Variants in LRRC4C observed in about 807,000 individuals in gnomAD.
LRRC4C encodes leucine rich repeat containing 4C.
A neutral mutation model predicts 33.6 loss-of-function variants in LRRC4C; 5 were observed. The ratio of observed to expected loss-of-function variants is 0.15; its 90% CI spans 0.08 to 0.31. The LOEUF is 0.31. Among genes scored for constraint, LRRC4C ranks in the 10% least tolerant of loss-of-function variants. The pLI is 1.00. For synonymous variants in LRRC4C, 329 were observed against 302.0 expected (o/e 1.09, Z -0.93); for missense variants, 560 against 796.7 (o/e 0.70, Z 3.58).
chr11:41,202,487 G>A (rs1946438022), intron 1 of LRRC4C, among the ~76,000 whole-genome samples: 1 of 151,996 alleles, frequency 6.6e-6, no homozygotes, highest in Admixed American at 6.5e-5. Flanking sequence ...ATCAGACCTA[G>A]CACTAAATCA....
intron 1 of LRRC4C, among the ~76,000 whole-genome samples, chr11:41,101,042 A>G (rs1431876867): frequency 6.6e-6 from 1 of 152,200 alleles, no homozygotes; most frequent in Non-Finnish European, 1.5e-5. Context: ...ACCTAAAACC[A>G]TAAAAACCCT....
At chr11:40,296,220 C>T (rs759048559) in intron 4 of LRRC4C, among the ~76,000 whole-genome samples, 6 of 152,194 alleles carry the variant, frequency 3.9e-5, no homozygotes, top group Non-Finnish European at 8.8e-5. Context: ...TCAGCAGCTA[C>T]AGTATCTTTA....
intron 2 of LRRC4C, among the ~76,000 whole-genome samples, chr11:40,702,267 A>G (rs1310249191): frequency 6.6e-6 from 1 of 152,154 alleles, no homozygotes; most frequent in Non-Finnish European, 1.5e-5. Context: ...ATCCAACACC[A>G]TAGCAACAGG....
intron 1 of LRRC4C, among the ~76,000 whole-genome samples, chr11:41,292,271 A>G (rs994311480): frequency 6.6e-6 from 1 of 152,168 alleles, no homozygotes; most frequent in Non-Finnish European, 1.5e-5. Flanking sequence ...TGGTTCTACC[A>G]GTCCTCTTTT....
intron 1 of LRRC4C, among the ~76,000 whole-genome samples, chr11:40,949,943 C>T (rs1285430198): frequency 6.6e-6 from 1 of 152,090 alleles, no homozygotes; most frequent in African/African-American, 2.4e-5. Context: ...AGAGTCAAGA[C>T]CCATCAGTGT....
At chr11:40,633,325 T>TTTCTTTCTTTCTTTC (rs1963631733) in intron 3 of LRRC4C, among the ~76,000 whole-genome samples, 1 of 112,246 alleles carries the variant, frequency 8.9e-6, no homozygotes, top group African/African-American at 3.0e-5. Flanking sequence ...CAAGTTTTCT[T>TTTCTTTCTTTCTTTC]TTTCTTTCTT....
intron 1 of LRRC4C, among the ~76,000 whole-genome samples, chr11:41,427,411 CA>C (rs1480771066): frequency 6.6e-6 from 1 of 152,014 alleles, no homozygotes; most frequent in East Asian, 1.9e-4. Context: ...AATAAAAAGT[CA>C]ATAAATAAAC....
At chr11:40,965,348 G>T (rs1192079728) in intron 1 of LRRC4C, among the ~76,000 whole-genome samples, 1 of 152,052 alleles carries the variant, frequency 6.6e-6, no homozygotes, top group Non-Finnish European at 1.5e-5. Flanking sequence ...GGTTTCTTTT[G>T]CTGTGCAGAA....
At chr11:40,948,499 C>T (rs898456202) in intron 1 of LRRC4C, among the ~76,000 whole-genome samples, 1 of 140,954 alleles carries the variant, frequency 7.1e-6, no homozygotes, top group African/African-American at 2.6e-5. Flanking sequence ...GTATATCTCC[C>T]AATGCTATCC....
intron 2 of LRRC4C, among the ~76,000 whole-genome samples, chr11:40,822,453 T>C (rs1951975375): frequency 6.6e-6 from 1 of 151,798 alleles, no homozygotes. Flanking sequence ...TTGGCTATTG[T>C]GAATGATGCT....
At chr11:41,099,086 A>C (rs187488511) in intron 1 of LRRC4C, among the ~76,000 whole-genome samples, 1 of 152,196 alleles carries the variant, frequency 6.6e-6, no homozygotes, top group African/African-American at 2.4e-5. Flanking sequence ...AAAACCTAGA[A>C]GAGATGGATG....
intron 1 of LRRC4C, among the ~76,000 whole-genome samples, chr11:41,302,527 G>C (rs1336412285): frequency 6.6e-6 from 1 of 152,094 alleles, no homozygotes; most frequent in Non-Finnish European, 1.5e-5. Flanking sequence ...CTTTGTTTTC[G>C]AGTTTGATGC....
At chr11:41,052,130 C>T (rs1181290240) in intron 1 of LRRC4C, among the ~76,000 whole-genome samples, 1 of 152,042 alleles carries the variant, frequency 6.6e-6, no homozygotes, top group Non-Finnish European at 1.5e-5. Context: ...AGCCTTTTTC[C>T]CTTGCATCCA....
chr11:40,635,175 C>A (rs1963843019), intron 3 of LRRC4C, among the ~76,000 whole-genome samples: 1 of 152,160 alleles, frequency 6.6e-6, no homozygotes, highest in South Asian at 2.1e-4. Flanking sequence ...TATTTACCAG[C>A]CCTTTCTTAT....
At chr11:41,207,492 A>G (rs1946648445) in intron 1 of LRRC4C, among the ~76,000 whole-genome samples, 1 of 152,192 alleles carries the variant, frequency 6.6e-6, no homozygotes, top group African/African-American at 2.4e-5. Context: ...TTAAGGCTAA[A>G]TGAAGTCAAA....
At chr11:41,127,875 T>A (rs10742578) in intron 1 of LRRC4C, among the ~76,000 whole-genome samples, 39,524 of 151,938 alleles carry the variant, frequency 0.26, 5,522 homozygotes, top group East Asian at 0.47. Flanking sequence ...TAATCCTTTA[T>A]CTTTAACCTA....
chr11:40,416,819 T>C (rs1950340045), intron 3 of LRRC4C, among the ~76,000 whole-genome samples: 1 of 152,188 alleles, frequency 6.6e-6, no homozygotes, highest in African/African-American at 2.4e-5. Context: ...AACTAGACTG[T>C]AAACCCCAAT....
chr11:40,621,851 C>T (rs1962487234), intron 3 of LRRC4C, among the ~76,000 whole-genome samples: 1 of 151,768 alleles, frequency 6.6e-6, no homozygotes, highest in Admixed American at 6.6e-5. Context: ...ACCAATATAA[C>T]AACTTTATGA....
At chr11:41,200,730 T>C (rs1590917718) in intron 1 of LRRC4C, among the ~76,000 whole-genome samples, 1 of 152,196 alleles carries the variant, frequency 6.6e-6, no homozygotes, top group East Asian at 1.9e-4. Context: ...GGCCAAAATA[T>C]GGCCCCCCCA....
Sources: gnomAD v4.1 joint callset for allele counts (sites outside exome capture counted in the v4.1 genomes callset) on GRCh38, gnomAD v4.1.1 for gene constraint, MANE v1.5 for transcripts, NCBI Gene and HGNC (gene_info 2026-07-23, HGNC 2026-07-21) for gene names.